DNAH17: variants seen among roughly 807,000 people sequenced by gnomAD.
DNAH17 encodes dynein axonemal heavy chain 17, also known as axonemal beta dynein heavy chain 17.
Under a neutral mutation model 485.6 loss-of-function variants are expected in DNAH17, and 376 were observed. The ratio of observed to expected loss-of-function variants is 0.77; its 90% CI spans 0.71 to 0.84. The LOEUF is 0.84. DNAH17 is among the 40% of genes least tolerant of loss of function. DNAH17 has a pLI of 0.00. For missense variants in DNAH17, 6,370 were observed against 5,839.3 expected (o/e 1.09, Z -2.96); for synonymous variants, 3,031 against 2,405.9 (o/e 1.26, Z -7.60).
intron 16 of DNAH17, among the ~76,000 whole-genome samples, chr17:78,544,331 C>G (rs1247052489): frequency 6.6e-6 from 1 of 152,170 alleles, no homozygotes; most frequent in Non-Finnish European, 1.5e-5. Context: ...ACGGAAGGAC[C>G]CGAGCGTCGA....
intron 26 of DNAH17, among the ~76,000 whole-genome samples, chr17:78,514,573 C>T (rs544345037): frequency 3.3e-5 from 5 of 150,636 alleles, no homozygotes; most frequent in African/African-American, 9.8e-5. Flanking sequence ...AGATGGTAAA[C>T]GGAGCCTGCC....
chr17:78,520,815 T>A (rs2090915129), intron 25 of DNAH17, among the ~76,000 whole-genome samples: 2 of 152,236 alleles, frequency 1.3e-5, no homozygotes, highest in Admixed American at 1.3e-4. Flanking sequence ...ATTAATAGTT[T>A]TAACGCAATT....
In DNAH17 at chr17:78,569,485, G is replaced by C. The variant is rs2092318931; in HGVS notation, c.1087C>G (p.Gln363Glu). ...LSPEEVLKGL[Q>E]GEIEEVLSGI... ...CTCAGGACTTCCTCGATTTCACCTT[G>C]CAGGCCCTTCAGCACCTCTTCCGGG... The change falls in exon 8 of 81, where the codon CAA (glutamine) becomes GAA (glutamate). Residue 363 changes from glutamine (Q) to glutamate (E), a missense_variant. Coordinates refer to ENST00000389840, the MANE Select transcript of DNAH17 (RefSeq NM_173628.4). The C allele has an allele frequency of 6.2e-7, 1 of 1,610,672 alleles. No homozygotes were observed. The highest frequency in any genetic ancestry group is 8.5e-7 in the Non-Finnish European group (1 of 1,178,342).
intron 31 of DNAH17, among the ~76,000 whole-genome samples, chr17:78,503,564 T>C (rs975309733): frequency 6.6e-6 from 1 of 152,060 alleles, no homozygotes; most frequent in African/African-American, 2.4e-5. Flanking sequence ...CCTGGCTCAC[T>C]GCAGCCTCCA....
chr17:78,434,248 T>A, intron 74 of DNAH17, 28 bp from the exon 75 acceptor site: 1 of 1,577,916 alleles, frequency 6.3e-7, no homozygotes, highest in Non-Finnish European at 8.6e-7. Context: ...CGGTCAGGTA[T>A]TAGGGAGAGG....
intron 16 of DNAH17, among the ~76,000 whole-genome samples, chr17:78,545,033 C>T (rs563783494): frequency 1.3e-5 from 2 of 152,116 alleles, no homozygotes; most frequent in South Asian, 2.1e-4. Context: ...CTCACCTTTC[C>T]TCCTCCTCAC....
In DNAH17 at chr17:78,423,800, C is replaced by T. The variant is rs544945593; in HGVS notation, c.*106G>A. 46 of 1,443,298 alleles carry T rather than the reference C, an allele frequency of 3.2e-5. No individual in the cohort carries two copies. The highest frequency in any genetic ancestry group is 4.0e-5 in the Admixed American group (2 of 50,140). 89.4% of individuals were successfully genotyped at this position (1,443,298 alleles called of 1,614,324 possible). A position where few individuals can be genotyped will look rare whatever the true frequency, so the allele number is the denominator to read the frequency against. On this transcript the variant is annotated 3_prime_UTR_variant, in exon 81 of 81. Coordinates refer to ENST00000389840, the MANE Select transcript of DNAH17 (RefSeq NM_173628.4). ...CAAAGCACCTGATTATTTAAGAGAA[C>T]GAAAAACCACCACCAGTTCCTGTAA...
At position 78,569,529 on chromosome 17, in the gene DNAH17, T is replaced by G. The variant is rs1241435424; in HGVS notation, c.1045-2A>C. Reference sequence around the variant, plus strand: ...TTCCGGGCTCAGGAAGGTTCGTGTCTGGGCAAAAGAGAAGACAGACATCTA... The same window carrying G: ...TTCCGGGCTCAGGAAGGTTCGTGTCGGGGCAAAAGAGAAGACAGACATCTA... On this transcript the variant is annotated splice_acceptor_variant, in intron 7 of 80. Coordinates refer to ENST00000389840, the MANE Select transcript of DNAH17 (RefSeq NM_173628.4). LOFTEE classifies it high-confidence loss of function. 6.2e-7 allele frequency: 1 copy of G among 1,601,690 alleles called. No homozygotes were observed. Among genetic ancestry groups the G allele is most frequent in the Non-Finnish European group, 8.5e-7 (1 of 1,174,414 alleles).
chr17:78,534,260 A>G (rs2091315904), intron 19 of DNAH17, among the ~76,000 whole-genome samples: 1 of 152,210 alleles, frequency 6.6e-6, no homozygotes. Flanking sequence ...CCCCATCGGG[A>G]CCCAGATGTG....
In DNAH17 at chr17:78,525,102, G is replaced by GC. The variant is rs2143237638; in HGVS notation, c.3770dup (p.Leu1258ProfsTer50). The GC allele has an allele frequency of 2.5e-6, 4 of 1,613,778 alleles. No individual in the cohort carries two copies. Among genetic ancestry groups the GC allele is most frequent in the Admixed American group, 3.3e-5 (2 of 60,024 alleles). On this transcript the variant is annotated frameshift_variant, in exon 25 of 81. Coordinates refer to ENST00000389840, the MANE Select transcript of DNAH17 (RefSeq NM_173628.4). LOFTEE classifies it high-confidence loss of function. ...AGTCTGGGACGGGGACCTCGAACAG[G>GC]CCCCCGGACTTGGACAGCGCCTCCA...
intron 16 of DNAH17, among the ~76,000 whole-genome samples, chr17:78,550,399 C>CCG: frequency 1.3e-5 from 2 of 152,288 alleles, no homozygotes; most frequent in Non-Finnish European, 2.9e-5. Context: ...CCCCCCAAAT[C>CCG]CGTGTGTAGG....
chr17:78,502,064 T>C, intron 33 of DNAH17, 191 bp from the exon 34 acceptor site: 1 of 694,370 alleles, frequency 1.4e-6, no homozygotes, highest in Non-Finnish European at 2.3e-6. Flanking sequence ...ATGGGACACC[T>C]GGCAGTGGCT....
intron 69 of DNAH17, among the ~76,000 whole-genome samples, chr17:78,446,173 C>CAAAAA (rs1157464118): frequency 0.41 from 23,144 of 56,956 alleles, 7,132 homozygotes; most frequent in East Asian, 0.53. Flanking sequence ...GACTCTGTCT[C>CAAAAA]AAAAAAAAAA....
intron 14 of DNAH17, 73 bp downstream of exon 14, chr17:78,558,035 A>G: frequency 6.6e-7 from 1 of 1,509,600 alleles, no homozygotes; most frequent in Non-Finnish European, 8.9e-7. Context: ...TCTCTGAAAC[A>G]CACAAACAAA....
rs377220133 is a variant in DNAH17, at chr17:78,486,512, G to T, written c.6819-6C>A. ...CGATCCAGCTGCTCACCACCCTGGG[G>T]GTGACAGGAGGCGCCGATGACACAG... On this transcript the variant is annotated splice_polypyrimidine_tract_variant and splice_region_variant and intron_variant, in intron 44 of 80. Coordinates refer to ENST00000389840, the MANE Select transcript of DNAH17 (RefSeq NM_173628.4). 6 of 1,594,258 alleles carry T rather than the reference G, an allele frequency of 3.8e-6. No homozygotes were observed. The highest frequency in any genetic ancestry group is 1.3e-5 in the African/African-American group (1 of 74,500).
chr17:78,476,860 G>A (rs2089052691), intron 51 of DNAH17, 127 bp from the exon 52 acceptor site: 1 of 1,156,780 alleles, frequency 8.6e-7, no homozygotes, highest in South Asian at 1.7e-5. Context: ...TGTTGGCACA[G>A]CATTCACTTG....
intron 58 of DNAH17, among the ~76,000 whole-genome samples, chr17:78,461,129 C>G (rs909944631): frequency 4.6e-5 from 7 of 151,788 alleles, no homozygotes; most frequent in Non-Finnish European, 8.8e-5. Context: ...TCGGGGGGGG[C>G]CCGGAGCCGC....
At chr17:78,434,007 C>T (rs778807790) in intron 75 of DNAH17, 22 bp downstream of exon 75, 2 of 1,476,718 alleles carry the variant, frequency 1.4e-6, no homozygotes, top group Non-Finnish European at 1.8e-6. Flanking sequence ...TGTCCAAGTA[C>T]AGGGCACACA....
chr17:78,452,032 G>A (rs1598471724), intron 65 of DNAH17, among the ~76,000 whole-genome samples: 1 of 151,828 alleles, frequency 6.6e-6, no homozygotes, highest in South Asian at 2.1e-4. Context: ...TCCCAGGACT[G>A]CAACCCTGGG....
Sources: allele counts gnomAD v4.1 joint callset (sites outside exome capture counted in the v4.1 genomes callset), GRCh38; gene constraint gnomAD v4.1.1; transcripts MANE v1.5; gene names NCBI Gene and HGNC (gene_info 2026-07-23, HGNC 2026-07-21).